TMEM38B: variants seen among roughly 807,000 people sequenced by gnomAD.
TMEM38B encodes the protein transmembrane protein 38B.
In TMEM38B, 24 loss-of-function variants were observed where a neutral mutation model predicts 28.7. The observed-to-expected ratio is 0.84, with a 90% CI of 0.61 to 1.18. The LOEUF is 1.18. Ranked by LOEUF, TMEM38B falls within the 50% of genes most tolerant of loss-of-function variation. The probability of loss-of-function intolerance (pLI) is 0.00; values close to 1 mark genes in which losing one functional copy is unlikely to be tolerated. For missense variants in TMEM38B, 380 were observed against 350.9 expected (o/e 1.08, Z -0.66); for synonymous variants, 131 against 127.7 (o/e 1.03, Z -0.17).
intron 5 of TMEM38B, among the ~76,000 whole-genome samples, chr9:105,752,995 A>G (rs980094605): frequency 7.2e-5 from 11 of 152,356 alleles, no homozygotes; most frequent in Admixed American, 3.3e-4. Flanking sequence ...TGGAACTGGA[A>G]AACACAACAT....
At position 105,775,655 on chromosome 9, in the gene TMEM38B, A is replaced by G. The variant is rs1826702652; in HGVS notation, c.*1575A>G. 6.6e-6 allele frequency: 1 copy of G among 152,130 alleles called. No individual in the cohort carries two copies. Among genetic ancestry groups the G allele is most frequent in the Non-Finnish European group, 1.5e-5 (1 of 68,016 alleles). 9.4% of individuals were successfully genotyped at this position (152,130 alleles called of 1,614,324 possible). A position where few individuals can be genotyped will look rare whatever the true frequency, so the allele number is the denominator to read the frequency against. ...AGCTTTAAGTATTTAAGAGCTCTGT[A>G]TTATATTTGATACTCTTACAGTTAA... On this transcript the variant is annotated 3_prime_UTR_variant, in exon 6 of 6. Transcript: ENST00000374692.
At position 105,725,301 on chromosome 9, in the gene TMEM38B, G is replaced by A. The variant is rs370134002; in HGVS notation, c.542+2680G>A. Among the ~76,000 whole-genome samples the A allele has an allele frequency of 4.0e-5, 6 of 149,948 alleles. No individual in the cohort carries two copies. In the East Asian group the frequency reaches 9.7e-4, roughly 24 times the overall value. On this transcript the variant is annotated intron_variant, in intron 4 of 5. Transcript: ENST00000374692. ...TTGGCTCCTCCTCCCACCCTTCAAC[G>A]AATATAAAATGCTAGGGACAGATAT...
intron 4 of TMEM38B, among the ~76,000 whole-genome samples, chr9:105,727,314 A>C (rs576621881): frequency 4.5e-4 from 69 of 151,896 alleles, no homozygotes; most frequent in African/African-American, 1.6e-3. Context: ...ATCATGCAGT[A>C]ATTTTCTTTC....
At chr9:105,753,521 TAAAG>T (rs1837731541) in intron 5 of TMEM38B, among the ~76,000 whole-genome samples, 1 of 152,124 alleles carries the variant, frequency 6.6e-6, no homozygotes, top group Non-Finnish European at 1.5e-5. Flanking sequence ...TCAATATTCT[TAAAG>T]AAAAGAATTT....
chr9:105,758,895 A>G (rs1445157961), intron 5 of TMEM38B: 1 of 1,133,266 alleles, frequency 8.8e-7, no homozygotes, highest in African/African-American at 1.5e-5. Flanking sequence ...AGAAATTTGG[A>G]GATATGTTAT....
intron 4 of TMEM38B, among the ~76,000 whole-genome samples, chr9:105,737,235 G>T (rs1204989687): frequency 6.6e-6 from 1 of 152,194 alleles, no homozygotes; most frequent in East Asian, 1.9e-4. Flanking sequence ...ACAGCAGTTT[G>T]TTCCCATGGG....
At chr9:105,706,995 C>G (rs888768540) in intron 2 of TMEM38B, among the ~76,000 whole-genome samples, 5 of 152,124 alleles carry the variant, frequency 3.3e-5, no homozygotes, top group African/African-American at 1.2e-4. Context: ...CCAGGCTGTT[C>G]TCAAACTTCT....
At chr9:105,770,729 A>T (rs939445027) in intron 5 of TMEM38B, among the ~76,000 whole-genome samples, 3 of 152,208 alleles carry the variant, frequency 2.0e-5, no homozygotes, top group Non-Finnish European at 4.4e-5. Flanking sequence ...TCATTGGAAG[A>T]TACTGATAAG....
In TMEM38B at chr9:105,694,609, C is replaced by T; in HGVS notation, c.-52C>T. On this transcript the variant is annotated 5_prime_UTR_variant, in exon 1 of 6. Transcript: ENST00000374692. Reference sequence around the variant, plus strand: ...CCTCTCCTACTCCTCACCGCGCGAGCGCGGGGAACCAGTAGCCGCGGCTGC... The same window carrying T: ...CCTCTCCTACTCCTCACCGCGCGAGTGCGGGGAACCAGTAGCCGCGGCTGC... 6.6e-7 allele frequency: 1 copy of T among 1,513,262 alleles called. No individual in the cohort carries two copies. The highest frequency in any genetic ancestry group is 9.2e-7 in the Non-Finnish European group (1 of 1,090,690). 93.7% of individuals were successfully genotyped at this position (1,513,262 alleles called of 1,614,324 possible).
At chr9:105,729,547 T>G (rs1836652243) in intron 4 of TMEM38B, among the ~76,000 whole-genome samples, 1 of 152,144 alleles carries the variant, frequency 6.6e-6, no homozygotes, top group African/African-American at 2.4e-5. Flanking sequence ...TTGCTTAGGG[T>G]TTTCTTGGCT....
At chr9:105,723,236 C>CT (rs1321500027) in intron 4 of TMEM38B, among the ~76,000 whole-genome samples, 4 of 151,984 alleles carry the variant, frequency 2.6e-5, no homozygotes, top group African/African-American at 7.3e-5. Flanking sequence ...TTATTTATTA[C>CT]TTTTTTAAAG....
intron 1 of TMEM38B, among the ~76,000 whole-genome samples, chr9:105,697,014 C>G (rs961874955): frequency 1.7e-4 from 26 of 152,192 alleles, no homozygotes; most frequent in African/African-American, 6.3e-4. Flanking sequence ...TTGTAGCCAA[C>G]ATAAACAAAA....
Position 105,740,266 on chromosome 9 carries a change from T to G in TMEM38B, c.543-7807T>G, listed in dbSNP as rs955327001. Reference sequence around the variant, plus strand: ...ATTAAATTTATTCCTAGGTGTTTTTTTTTTTTTTTTTTGAAACAGGGTCTT... The same window carrying G: ...ATTAAATTTATTCCTAGGTGTTTTTGTTTTTTTTTTTTGAAACAGGGTCTT... On this transcript the variant is annotated intron_variant, in intron 4 of 5. Transcript: ENST00000374692. 6.0e-5 allele frequency among the ~76,000 whole-genome samples: 9 copies of G among 150,842 alleles called. No homozygotes were observed. The South Asian group carries it at 6.3e-4, about 11-fold the overall frequency.
At chr9:105,699,314 C>A (rs1257039590) in intron 1 of TMEM38B, among the ~76,000 whole-genome samples, 1 of 152,106 alleles carries the variant, frequency 6.6e-6, no homozygotes. Flanking sequence ...CAACTTTTTC[C>A]TATCCCCCCA....
intron 2 of TMEM38B, chr9:105,710,263 G>T: frequency 3.2e-6 from 2 of 615,956 alleles, no homozygotes; most frequent in Non-Finnish European, 3.0e-6. Flanking sequence ...AAGCACAACT[G>T]TACTGGATAT....
At chr9:105,715,830 T>C (rs1836080192) in intron 2 of TMEM38B, among the ~76,000 whole-genome samples, 1 of 152,198 alleles carries the variant, frequency 6.6e-6, no homozygotes, top group South Asian at 2.1e-4. Context: ...TTTGAAATCA[T>C]AGTTTACAGT....
chr9:105,754,145 C>T (rs7867973), intron 5 of TMEM38B, among the ~76,000 whole-genome samples: 35,345 of 151,994 alleles, frequency 0.23, 6,764 homozygotes, highest in African/African-American at 0.51. Flanking sequence ...TAAAGCAAGT[C>T]CTTAGAGATC....
At chr9:105,758,200 G>T in intron 5 of TMEM38B, 1 of 654,984 alleles carries the variant, frequency 1.5e-6, no homozygotes, top group Non-Finnish European at 2.8e-6. Flanking sequence ...GCCTTATCTG[G>T]CCACCAAACT....
At chr9:105,749,547 T>G (rs1205233508) in intron 5 of TMEM38B, among the ~76,000 whole-genome samples, 1 of 152,154 alleles carries the variant, frequency 6.6e-6, no homozygotes, top group Non-Finnish European at 1.5e-5. Context: ...GAGATATGAG[T>G]GATGTATGGT....
Sources: gnomAD v4.1 joint callset for allele counts (sites outside exome capture counted in the v4.1 genomes callset) on GRCh38, gnomAD v4.1.1 for gene constraint, MANE v1.5 for transcripts, NCBI Gene and HGNC (gene_info 2026-07-23, HGNC 2026-07-21) for gene names.